The following UBE2E2 variants were observed in gnomAD, a reference collection of about 807,000 sequenced individuals.
The protein encoded by UBE2E2 is ubiquitin conjugating enzyme E2 E2.
In UBE2E2, 6 loss-of-function variants were observed where a neutral mutation model predicts 24.7. That is an observed-to-expected ratio of 0.24 (90% confidence interval 0.13 to 0.48). The LOEUF (loss-of-function observed/expected upper bound fraction) is 0.48, where lower values mean the gene tolerates loss of function less well. Ranked by LOEUF, UBE2E2 falls within the 20% of genes least tolerant of loss-of-function variation. UBE2E2 has a pLI of 0.99. For missense variants in UBE2E2, 169 were observed against 245.0 expected, an observed-to-expected ratio of 0.69 and a Z score of 2.07; for synonymous variants, 104 against 83.6, an observed-to-expected ratio of 1.24 and a Z score of -1.33.
chr3:23,591,720 GC>G lies in UBE2E2; in HGVS notation c.*1890del, dbSNP rs1696766919. On this transcript the variant is annotated 3_prime_UTR_variant, in exon 6 of 6. Coordinates refer to ENST00000396703, the MANE Select transcript of UBE2E2 (RefSeq NM_152653.4). ...TGACACAGACCAACATAGACTGGGG[GC>G]TGGATGAAAAACAAATAACGATGTG... 6.6e-6 allele frequency: 1 copy of G among 152,166 alleles called. No individual in the cohort carries two copies. The highest frequency in any genetic ancestry group is 2.4e-5 in the African/African-American group (1 of 41,446). The allele number at this position is 152,166 out of a possible 1,614,324, so 9.4% of individuals were successfully genotyped here.
chr3:23,365,782 C>CA (rs1427210940), intron 3 of UBE2E2, among the ~76,000 whole-genome samples: 1 of 151,950 alleles, frequency 6.6e-6, no homozygotes, highest in Non-Finnish European at 1.5e-5. Flanking sequence ...CGTATGGAAC[C>CA]AAAAAAGAGC....
intron 3 of UBE2E2, among the ~76,000 whole-genome samples, chr3:23,292,473 G>A (rs1309769321): frequency 2.0e-5 from 3 of 152,094 alleles, no homozygotes; most frequent in South Asian, 2.1e-4. Flanking sequence ...TGAAGCCAGT[G>A]ACACTACATA....
At chr3:23,489,748 A>T (rs1483845032) in intron 3 of UBE2E2, among the ~76,000 whole-genome samples, 1 of 152,084 alleles carries the variant, frequency 6.6e-6, no homozygotes, top group East Asian at 1.9e-4. Flanking sequence ...TGGTACTGGG[A>T]GTGGGGGACC....
intron 3 of UBE2E2, among the ~76,000 whole-genome samples, chr3:23,368,374 A>C (rs1255018124): frequency 6.6e-6 from 1 of 152,170 alleles, no homozygotes; most frequent in Non-Finnish European, 1.5e-5. Flanking sequence ...GATGTTAATC[A>C]CCTGACTTCA....
chr3:23,479,032 A>T (rs933041580), intron 3 of UBE2E2, among the ~76,000 whole-genome samples: 3 of 152,124 alleles, frequency 2.0e-5, no homozygotes, highest in African/African-American at 7.2e-5. Flanking sequence ...GATCCTTTGT[A>T]ATAGTGTCAC....
At chr3:23,508,976 A>G (rs1413288199) in intron 4 of UBE2E2, among the ~76,000 whole-genome samples, 1 of 152,194 alleles carries the variant, frequency 6.6e-6, no homozygotes, top group Non-Finnish European at 1.5e-5. Context: ...CACAGATGAC[A>G]CAAGTGATAC....
At chr3:23,350,175 C>T (rs528361525) in intron 3 of UBE2E2, among the ~76,000 whole-genome samples, 1 of 152,220 alleles carries the variant, frequency 6.6e-6, no homozygotes, top group South Asian at 2.1e-4. Flanking sequence ...AGCTGAGGGT[C>T]CTGTCTGTTA....
chr3:23,509,390 TG>T (rs1694534232), intron 4 of UBE2E2, among the ~76,000 whole-genome samples: 1 of 152,102 alleles, frequency 6.6e-6, no homozygotes, highest in African/African-American at 2.4e-5. Flanking sequence ...CTACGTGTGA[TG>T]AAAAAAAGTA....
At chr3:23,577,331 A>T (rs748867338) in intron 5 of UBE2E2, among the ~76,000 whole-genome samples, 8 of 67,046 alleles carry the variant, frequency 1.2e-4, no homozygotes, top group African/African-American at 4.7e-4. Context: ...GGAATGATTT[A>T]AAAAAAAAAA....
At chr3:23,453,254 A>G (rs1031400239) in intron 3 of UBE2E2, among the ~76,000 whole-genome samples, 2 of 152,196 alleles carry the variant, frequency 1.3e-5, no homozygotes, top group African/African-American at 4.8e-5. Flanking sequence ...AACTTATTTA[A>G]AATATTGAAT....
intron 3 of UBE2E2, among the ~76,000 whole-genome samples, chr3:23,243,462 C>G (rs1043191633): frequency 6.6e-6 from 1 of 152,116 alleles, no homozygotes; most frequent in African/African-American, 2.4e-5. Flanking sequence ...TTTTATGGCC[C>G]GCTTCCCTTT....
chr3:23,296,399 T>C (rs1248221335), intron 3 of UBE2E2, among the ~76,000 whole-genome samples: 1 of 152,190 alleles, frequency 6.6e-6, no homozygotes, highest in Non-Finnish European at 1.5e-5. Flanking sequence ...TGTGCCATGC[T>C]GGTATGCTGC....
intron 3 of UBE2E2, among the ~76,000 whole-genome samples, chr3:23,417,461 G>A (rs962480992): frequency 2.6e-5 from 4 of 152,178 alleles, no homozygotes. Flanking sequence ...GCCAGCCAGA[G>A]CTCTTCTGTA....
intron 3 of UBE2E2, among the ~76,000 whole-genome samples, chr3:23,449,511 C>T (rs1328350874): frequency 2.6e-5 from 4 of 152,162 alleles, no homozygotes; most frequent in Non-Finnish European, 5.9e-5. Flanking sequence ...TATCTGATTA[C>T]ATTTGCTCTT....
intron 5 of UBE2E2, among the ~76,000 whole-genome samples, chr3:23,551,258 A>G (rs916896787): frequency 2.6e-5 from 4 of 152,352 alleles, no homozygotes; most frequent in African/African-American, 4.8e-5. Flanking sequence ...GGAAAAGACT[A>G]AAACATTTTT....
In UBE2E2 at chr3:23,427,259, CAAAAAAAA is replaced by C. The variant is rs74787665; in HGVS notation, c.228-72335_228-72328del. 2.2e-3 allele frequency among the ~76,000 whole-genome samples: 196 copies of C among 88,482 alleles called. 1 individual carries two copies. Among genetic ancestry groups the C allele is most frequent in the Admixed American group, 6.5e-3 (53 of 8,200 alleles). The allele number at this position is 88,482 out of a possible 152,430, so 58.0% of individuals were successfully genotyped here. Reference sequence around the variant, plus strand: ...CAACATGTTGAAACCCCATCTCTACCAAAAAAAAAAAAAAAAAAAAATTAGCCAGGTGT... The same window carrying C: ...CAACATGTTGAAACCCCATCTCTACCAAAAAAAAAAAAATTAGCCAGGTGT... On this transcript the variant is annotated intron_variant, in intron 3 of 5. Transcript: ENST00000396703.
At chr3:23,253,231 T>G (rs1479111789) in intron 3 of UBE2E2, among the ~76,000 whole-genome samples, 1 of 152,202 alleles carries the variant, frequency 6.6e-6, no homozygotes, top group Non-Finnish European at 1.5e-5. Context: ...AAAGTATGTC[T>G]TTGGTGAAGA....
chr3:23,305,552 G>C (rs1443884726), intron 3 of UBE2E2, among the ~76,000 whole-genome samples: 1 of 152,128 alleles, frequency 6.6e-6, no homozygotes, highest in East Asian at 1.9e-4. Flanking sequence ...AATGGTGAAT[G>C]AGGTCTTAGT....
chr3:23,238,264 T>C (rs1369778384), intron 3 of UBE2E2, among the ~76,000 whole-genome samples: 1 of 152,182 alleles, frequency 6.6e-6, no homozygotes, highest in Non-Finnish European at 1.5e-5. Flanking sequence ...TTCATCTCCT[T>C]AGTGTCAAAA....
Sources: gnomAD v4.1 joint callset for allele counts (sites outside exome capture counted in the v4.1 genomes callset) on GRCh38, gnomAD v4.1.1 for gene constraint, MANE v1.5 for transcripts, NCBI Gene and HGNC (gene_info 2026-07-23, HGNC 2026-07-21) for gene names.